Variants in LRRC4C observed in about 807,000 individuals in gnomAD.
LRRC4C encodes leucine-rich repeat-containing protein 4C.
Under a neutral mutation model 33.6 loss-of-function variants are expected in LRRC4C, and 5 were observed. That is an observed-to-expected ratio of 0.15 (90% CI 0.08 to 0.31). LRRC4C has a LOEUF of 0.31. Ranked by LOEUF, LRRC4C falls within the 10% of genes least tolerant of loss-of-function variation. The probability of loss-of-function intolerance (pLI) is 1.00; values close to 1 mark genes in which losing one functional copy is unlikely to be tolerated. For synonymous variants in LRRC4C, 329 were observed against 302.0 expected, an observed-to-expected ratio of 1.09 and a Z score of -0.93; for missense variants, 560 against 796.7, an observed-to-expected ratio of 0.70 and a Z score of 3.58.
chr11:41,162,871 A>G (rs938409523), intron 1 of LRRC4C, among the ~76,000 whole-genome samples: 35 of 152,176 alleles, frequency 2.3e-4, no homozygotes, highest in African/African-American at 8.2e-4. Context: ...ATTAATTGAA[A>G]AACATCATTT....
At chr11:40,692,472 C>T (rs1447269564) in intron 2 of LRRC4C, among the ~76,000 whole-genome samples, 1 of 151,816 alleles carries the variant, frequency 6.6e-6, no homozygotes, top group Admixed American at 6.6e-5. Context: ...GGGCACAGTT[C>T]AAAGAACTTA....
intron 3 of LRRC4C, among the ~76,000 whole-genome samples, chr11:40,580,410 C>T (rs1292384625): frequency 1.3e-5 from 2 of 152,146 alleles, no homozygotes; most frequent in African/African-American, 4.8e-5. Context: ...CAAATCACCT[C>T]CCTCCCACAA....
chr11:40,505,373 C>G (rs962767133), intron 3 of LRRC4C, among the ~76,000 whole-genome samples: 2 of 152,130 alleles, frequency 1.3e-5, no homozygotes, highest in African/African-American at 4.8e-5. Context: ...CCTTCTCTAC[C>G]TCTGGTCAAA....
chr11:41,093,067 C>T (rs1372106804), intron 1 of LRRC4C, among the ~76,000 whole-genome samples: 1 of 152,088 alleles, frequency 6.6e-6, no homozygotes, highest in African/African-American at 2.4e-5. Flanking sequence ...AATATACACA[C>T]CCATAGAGTA....
chr11:40,780,705 A>G (rs992246646), intron 2 of LRRC4C, among the ~76,000 whole-genome samples: 18 of 152,124 alleles, frequency 1.2e-4, no homozygotes, highest in African/African-American at 4.3e-4. Context: ...ACTGAACCTC[A>G]TATACAGTTC....
intron 1 of LRRC4C, among the ~76,000 whole-genome samples, chr11:41,383,612 T>C (rs1953240526): frequency 6.6e-6 from 1 of 151,884 alleles, no homozygotes; most frequent in Non-Finnish European, 1.5e-5. Context: ...CATGGAATGA[T>C]CATTGAATAT....
intron 5 of LRRC4C, among the ~76,000 whole-genome samples, chr11:40,157,618 A>G (rs1391217301): frequency 6.6e-6 from 1 of 152,338 alleles, no homozygotes; most frequent in East Asian, 1.9e-4. Context: ...GGCAATTCTC[A>G]AAAGAAGACA....
At chr11:40,924,116 G>GTT (rs1957312626) in intron 2 of LRRC4C, among the ~76,000 whole-genome samples, 1 of 131,862 alleles carries the variant, frequency 7.6e-6, no homozygotes, top group African/African-American at 2.5e-5. Context: ...GTGTGTGTGT[G>GTT]TGTGTGTATA....
At chr11:40,788,964 G>C (rs1950522548) in intron 2 of LRRC4C, among the ~76,000 whole-genome samples, 1 of 151,954 alleles carries the variant, frequency 6.6e-6, no homozygotes, top group South Asian at 2.1e-4. Context: ...ATGGTAGCGG[G>C]CGCCTGTAGT....
chr11:40,275,922 G>A (rs866643602), intron 4 of LRRC4C, among the ~76,000 whole-genome samples: 8 of 152,064 alleles, frequency 5.3e-5, no homozygotes, highest in African/African-American at 7.2e-5. Flanking sequence ...AGAGCCTTCC[G>A]GCTAAAAGCA....
At chr11:41,331,983 T>C (rs1951309567) in intron 1 of LRRC4C, among the ~76,000 whole-genome samples, 1 of 152,236 alleles carries the variant, frequency 6.6e-6, no homozygotes, top group African/African-American at 2.4e-5. Flanking sequence ...TTTATTATTG[T>C]TCAAAGTACA....
chr11:41,059,690 C>T (rs1030531404), intron 1 of LRRC4C, among the ~76,000 whole-genome samples: 6 of 152,118 alleles, frequency 3.9e-5, no homozygotes, highest in Admixed American at 2.6e-4. Flanking sequence ...GAAAAATTTG[C>T]TACTCAAGAG....
intron 1 of LRRC4C, among the ~76,000 whole-genome samples, chr11:41,331,725 C>T (rs1951300160): frequency 6.6e-6 from 1 of 152,108 alleles, no homozygotes; most frequent in Non-Finnish European, 1.5e-5. Context: ...TACACAAAGG[C>T]ACTTGACAGT....
intron 3 of LRRC4C, among the ~76,000 whole-genome samples, chr11:40,617,902 A>G (rs1431675730): frequency 6.6e-6 from 1 of 151,622 alleles, no homozygotes; most frequent in East Asian, 1.9e-4. Context: ...TTACTGAGGA[A>G]GCAAGAGACT....
intron 3 of LRRC4C, among the ~76,000 whole-genome samples, chr11:40,528,347 G>A (rs1027712901): frequency 6.6e-6 from 1 of 151,848 alleles, no homozygotes; most frequent in African/African-American, 2.4e-5. Flanking sequence ...ACAACAAATA[G>A]CCTGATTTAA....
chr11:40,477,900 T>C (rs1030184208), intron 3 of LRRC4C, among the ~76,000 whole-genome samples: 5 of 152,006 alleles, frequency 3.3e-5, no homozygotes, highest in Admixed American at 3.3e-4. Flanking sequence ...CAGTGAGAGA[T>C]AACTGAATCA....
intron 2 of LRRC4C, among the ~76,000 whole-genome samples, chr11:40,901,140 A>G (rs1956179335): frequency 6.6e-6 from 1 of 152,054 alleles, no homozygotes; most frequent in Admixed American, 6.6e-5. Flanking sequence ...CATTTCACAA[A>G]CTGCCTGATC....
chr11:40,150,225 G>A (rs1858077479), intron 5 of LRRC4C, among the ~76,000 whole-genome samples: 1 of 152,088 alleles, frequency 6.6e-6, no homozygotes, highest in African/African-American at 2.4e-5. Flanking sequence ...GATAATCCAG[G>A]ATGATCTAAT....
rs574919224 is a variant in LRRC4C, at chr11:41,289,549, T to C, written c.-496+169882A>G. On this transcript the variant is annotated intron_variant, in intron 1 of 6. Coordinates refer to ENST00000528697, the MANE Select transcript of LRRC4C (RefSeq NM_001258419.2). ...CAGAAAAGGAAGACATGGCAGAGAGTTCTCCCCTTCTACATGTGAACAGAG... is the reference window on the plus strand; with the variant it reads ...CAGAAAAGGAAGACATGGCAGAGAGCTCTCCCCTTCTACATGTGAACAGAG... Among the ~76,000 whole-genome samples the C allele has an allele frequency of 1.3e-4, 20 of 151,992 alleles. No individual in the cohort carries two copies. In the South Asian group the frequency reaches 4.2e-3, roughly 32 times the overall value.
Sources: gnomAD v4.1 joint callset for allele counts (sites outside exome capture counted in the v4.1 genomes callset) on GRCh38, gnomAD v4.1.1 for gene constraint, MANE v1.5 for transcripts, NCBI Gene and HGNC (gene_info 2026-07-23, HGNC 2026-07-21) for gene names.